ACYP2: variants seen among roughly 807,000 people sequenced by gnomAD.
The protein encoded by ACYP2 is acylphosphatase 2.
Under a neutral mutation model 11.2 loss-of-function variants are expected in ACYP2, and 12 were observed. That is an observed-to-expected ratio of 1.08 (90% CI 0.69 to 1.74). The LOEUF (loss-of-function observed/expected upper bound fraction) is 1.74, where lower values mean the gene tolerates loss of function less well. Ranked by LOEUF, ACYP2 falls within the 40% of genes most tolerant of loss-of-function variation. ACYP2 has a pLI of 0.00. For missense variants in ACYP2, 134 were observed against 101.9 expected, an observed-to-expected ratio of 1.31 and a Z score of -1.35; for synonymous variants, 43 against 32.2, an observed-to-expected ratio of 1.33 and a Z score of -1.13.
intron 6 of ACYP2, among the ~76,000 whole-genome samples, chr2:54,265,212 C>T (rs948979716): frequency 1.3e-5 from 2 of 152,108 alleles, no homozygotes; most frequent in Non-Finnish European, 2.9e-5. Flanking sequence ...AATGGACTTA[C>T]AGTTCCACGT....
chr2:54,165,877 C>A (rs938848300), intron 6 of ACYP2, among the ~76,000 whole-genome samples: 2 of 152,148 alleles, frequency 1.3e-5, no homozygotes, highest in East Asian at 3.8e-4. Flanking sequence ...GGCCATTTTA[C>A]AGAGGGTTAT....
chr2:54,267,401 T>C (rs1688087245), intron 6 of ACYP2: 1 of 1,520,854 alleles, frequency 6.6e-7, no homozygotes. Flanking sequence ...GAAGGGCTTA[T>C]ACATCCTAAA....
chr2:54,264,484 G>A (rs554011775), intron 6 of ACYP2, among the ~76,000 whole-genome samples: 1 of 152,280 alleles, frequency 6.6e-6, no homozygotes, highest in East Asian at 1.9e-4. Context: ...CTCAGATCCT[G>A]CTCAGGGAGC....
At chr2:54,278,398 C>G (rs576886175) in intron 6 of ACYP2, among the ~76,000 whole-genome samples, 1 of 152,310 alleles carries the variant, frequency 6.6e-6, no homozygotes, top group South Asian at 2.1e-4. Context: ...AGGGTTACAT[C>G]TTTTAGCAAG....
At chr2:54,128,582 G>A (rs1680685376) in intron 4 of ACYP2, among the ~76,000 whole-genome samples, 2 of 152,042 alleles carry the variant, frequency 1.3e-5, no homozygotes, top group South Asian at 4.2e-4. Flanking sequence ...TGAGAGAATT[G>A]GTTAAGGCCA....
chr2:54,195,143 T>G (rs1303630984), intron 6 of ACYP2, among the ~76,000 whole-genome samples: 1 of 152,196 alleles, frequency 6.6e-6, no homozygotes, highest in African/African-American at 2.4e-5. Flanking sequence ...CTACAGGGTG[T>G]TTCTCTTCTG....
chr2:54,274,031 G>C (rs1177617499), intron 6 of ACYP2, among the ~76,000 whole-genome samples: 1 of 152,150 alleles, frequency 6.6e-6, no homozygotes, highest in Non-Finnish European at 1.5e-5. Context: ...TGTTGTATTA[G>C]TCTGTTTTCA....
chr2:54,048,992 G>C (rs1675678710), intron 2 of ACYP2, among the ~76,000 whole-genome samples: 1 of 152,062 alleles, frequency 6.6e-6, no homozygotes, highest in African/African-American at 2.4e-5. Context: ...TAATGAGCTG[G>C]GGCCAGGTGC....
At chr2:54,057,009 C>T (rs563282973) in intron 3 of ACYP2, among the ~76,000 whole-genome samples, 6 of 152,072 alleles carry the variant, frequency 3.9e-5, no homozygotes, top group African/African-American at 1.2e-4. Flanking sequence ...ATTCCATTTG[C>T]AAAACTATGT....
chr2:54,029,265 G>C (rs925272634), intron 2 of ACYP2, among the ~76,000 whole-genome samples: 3 of 152,026 alleles, frequency 2.0e-5, no homozygotes, highest in South Asian at 2.1e-4. Context: ...AAACTACAGC[G>C]GTGGAGTACC....
chr2:54,133,371 C>G (rs1201313807), intron 4 of ACYP2, among the ~76,000 whole-genome samples: 1 of 152,138 alleles, frequency 6.6e-6, no homozygotes, highest in East Asian at 1.9e-4. Context: ...AGTTGTTTAT[C>G]TATTCCCAAT....
chr2:54,185,752 C>T (rs910691025), intron 6 of ACYP2, among the ~76,000 whole-genome samples: 4 of 152,056 alleles, frequency 2.6e-5, no homozygotes, highest in African/African-American at 9.7e-5. Flanking sequence ...CAAAACCAAT[C>T]ATATGCAGAT....
intron 4 of ACYP2, among the ~76,000 whole-genome samples, chr2:54,111,454 G>A (rs17045513): frequency 0.24 from 36,288 of 152,064 alleles, 4,933 homozygotes; most frequent in African/African-American, 0.37. Context: ...ATATCCTTCT[G>A]ACTTTTTAAT....
At chr2:53,993,942 T>C (rs1414506376) in intron 2 of ACYP2, among the ~76,000 whole-genome samples, 1 of 151,866 alleles carries the variant, frequency 6.6e-6, no homozygotes, top group South Asian at 2.1e-4. Flanking sequence ...TCCCAGCGCT[T>C]TGGGAGGCCG....
chr2:54,115,753 C>CAGGGT, intron 4 of ACYP2: 3 of 1,610,406 alleles, frequency 1.9e-6, no homozygotes, highest in Non-Finnish European at 1.7e-6. Context: ...CGGAAGAGTG[C>CAGGGT]AGGGTAGGAG....
intron 2 of ACYP2, among the ~76,000 whole-genome samples, chr2:53,988,303 T>C (rs1345913663): frequency 6.6e-6 from 1 of 152,184 alleles, no homozygotes; most frequent in African/African-American, 2.4e-5. Context: ...TACATTTAAG[T>C]CCATGATTCA....
At position 54,255,542 on chromosome 2, in the gene ACYP2, G is replaced by T. The variant is rs532273037; in HGVS notation, c.405-49146G>T. ...AGTTCCAGCTGGATGGACTCCAGGG[G>T]GTTCAGGTGGAGACCCACGTTCAGG... On this transcript the variant is annotated intron_variant, in intron 6 of 6. Coordinates refer to ENST00000607452, the MANE Select transcript of ACYP2 (RefSeq NM_001320586.2). 24 of 1,613,424 alleles carry T rather than the reference G, an allele frequency of 1.5e-5. No homozygotes were observed. The South Asian group carries it at 2.5e-4, about 17-fold the overall frequency.
chr2:54,208,193 T>TAA (rs77750190), intron 6 of ACYP2, among the ~76,000 whole-genome samples: 1 of 142,320 alleles, frequency 7.0e-6, no homozygotes. Flanking sequence ...CAGTTCACAC[T>TAA]AAAAAAAAAA....
At chr2:54,163,692 T>C (rs564550746) in intron 6 of ACYP2, among the ~76,000 whole-genome samples, 77 of 152,106 alleles carry the variant, frequency 5.1e-4, no homozygotes, top group African/African-American at 1.6e-3. Flanking sequence ...CCGCCACTAC[T>C]AAAAATACAA....
Sources: gnomAD v4.1 joint callset for allele counts (sites outside exome capture counted in the v4.1 genomes callset) on GRCh38, gnomAD v4.1.1 for gene constraint, MANE v1.5 for transcripts, NCBI Gene and HGNC (gene_info 2026-07-23, HGNC 2026-07-21) for gene names.